Variants in ADAM22 observed in about 807,000 individuals in gnomAD.
ADAM22 encodes ADAM metallopeptidase domain 22, also known as disintegrin and metalloproteinase domain-containing protein 22.
Under a neutral mutation model 144.6 loss-of-function variants are expected in ADAM22, and 65 were observed. That is an observed-to-expected ratio of 0.45 (90% CI 0.37 to 0.55). ADAM22 has a LOEUF of 0.55. Ranked by LOEUF, ADAM22 falls within the 20% of genes least tolerant of loss-of-function variation. ADAM22 has a pLI of 0.00. For missense variants in ADAM22, 974 were observed against 1,184.9 expected (o/e 0.82, Z 2.61); for synonymous variants, 391 against 412.6 (o/e 0.95, Z 0.63).
rs1297095658 is a variant in ADAM22 at position 88,131,705 on chromosome 7, C to G, written c.992+270C>G. The G allele has an allele frequency of 5.0e-5, 22 of 439,842 alleles. No individual in the cohort carries two copies. In the East Asian group the frequency reaches 6.0e-4, roughly 12 times the overall value. 27.2% of individuals were successfully genotyped at this position (439,842 alleles called of 1,614,324 possible). Reference sequence around the variant, plus strand: ...ACTGAGTAAAAATACTGCTAATACTCATATATAGTATTCTTAACTACAGAT... The same window carrying G: ...ACTGAGTAAAAATACTGCTAATACTGATATATAGTATTCTTAACTACAGAT... On this transcript the variant is annotated intron_variant, in intron 11 of 31. Coordinates refer to ENST00000413139, the MANE Select transcript of ADAM22 (RefSeq NM_001324418.2).
At chr7:88,068,007 C>T (rs1811730671) in intron 3 of ADAM22, among the ~76,000 whole-genome samples, 1 of 152,094 alleles carries the variant, frequency 6.6e-6, no homozygotes, top group African/African-American at 2.4e-5. Context: ...GTTTAAACAA[C>T]ATAAACATTT....
At chr7:87,986,101 C>CG (rs1477727723) in intron 3 of ADAM22, among the ~76,000 whole-genome samples, 4 of 152,108 alleles carry the variant, frequency 2.6e-5, no homozygotes, top group African/African-American at 9.7e-5. Context: ...TTGAAATCTA[C>CG]GTTGAACTTT....
At chr7:88,060,842 G>A (rs1011088956) in intron 3 of ADAM22, among the ~76,000 whole-genome samples, 1 of 151,620 alleles carries the variant, frequency 6.6e-6, no homozygotes, top group Non-Finnish European at 1.5e-5. Context: ...AGTGGCTCAT[G>A]CCTGTAATCC....
At chr7:88,176,952 A>T (rs1240905973) in intron 26 of ADAM22, among the ~76,000 whole-genome samples, 3 of 151,926 alleles carry the variant, frequency 2.0e-5, no homozygotes, top group African/African-American at 7.3e-5. Context: ...TATTGTAGAG[A>T]TGGAGTTTTA....
chr7:88,113,703 A>AATAAATCT (rs1554478726), intron 5 of ADAM22, among the ~76,000 whole-genome samples: 1 of 48,106 alleles, frequency 2.1e-5, no homozygotes, highest in African/African-American at 8.0e-5. Flanking sequence ...TAAATAAATA[A>AATAAATCT]ATATATATAT....
Position 88,130,398 on chromosome 7 carries a change from A to G in ADAM22, c.764A>G (p.His255Arg). Reference sequence around the variant, plus strand: ...TTCTTTTGCTTTCAGTTTAAAAAACATCGGCTTTCCGTTGTACATACCAAT... The same window carrying G: ...TTCTTTTGCTTTCAGTTTAAAAAACGTCGGCTTTCCGTTGTACATACCAAT... ...IVNDHLMFKK[H>R]RLSVVHTNTY... Residue 255 changes from histidine to arginine, a missense_variant, in exon 10 of 32, where the codon CAT (histidine) becomes CGT (arginine). By Grantham distance (29) the His-to-Arg change is conservative. Coordinates refer to ENST00000413139, the MANE Select transcript of ADAM22 (RefSeq NM_001324418.2). The G allele has an allele frequency of 1.2e-6, 2 of 1,612,554 alleles. No individual in the cohort carries two copies. Among genetic ancestry groups the G allele is most frequent in the Non-Finnish European group, 1.7e-6 (2 of 1,179,156 alleles).
chr7:87,966,319 C>T (rs1222241348), intron 2 of ADAM22, among the ~76,000 whole-genome samples: 1 of 152,152 alleles, frequency 6.6e-6, no homozygotes, highest in Non-Finnish European at 1.5e-5. Context: ...TACAACTATA[C>T]TATATTGTGT....
chr7:88,085,129 G>A (rs1440247305), intron 4 of ADAM22, among the ~76,000 whole-genome samples: 3 of 152,122 alleles, frequency 2.0e-5, no homozygotes, highest in Admixed American at 2.0e-4. Context: ...CATTTTGGGG[G>A]AACACAATCC....
intron 31 of ADAM22, among the ~76,000 whole-genome samples, chr7:88,194,501 G>A (rs1333064318): frequency 2.0e-5 from 3 of 152,106 alleles, no homozygotes; most frequent in African/African-American, 7.2e-5. Flanking sequence ...GTGGAGAGTG[G>A]AACAAGCAGA....
intron 3 of ADAM22, among the ~76,000 whole-genome samples, chr7:87,998,965 A>C (rs1350208899): frequency 2.0e-5 from 3 of 152,346 alleles, no homozygotes; most frequent in Non-Finnish European, 4.4e-5. Context: ...TGATGTGTGC[A>C]TATCATTACC....
chr7:88,053,668 T>C lies in ADAM22; in HGVS notation c.324-21958T>C, dbSNP rs569365862. ...AGAAAGAAACCAAGTAAAAAAGATATCTTCACTTAGCAAAATATCTTAGAG... is the reference window on the plus strand; with the variant it reads ...AGAAAGAAACCAAGTAAAAAAGATACCTTCACTTAGCAAAATATCTTAGAG... On this transcript the variant is annotated intron_variant, in intron 3 of 31. Coordinates refer to ENST00000413139, the MANE Select transcript of ADAM22 (RefSeq NM_001324418.2). 3.9e-5 allele frequency among the ~76,000 whole-genome samples: 6 copies of C among 151,912 alleles called. No individual in the cohort carries two copies. In the East Asian group the frequency reaches 9.7e-4, roughly 24 times the overall value.
intron 4 of ADAM22, among the ~76,000 whole-genome samples, chr7:88,098,371 G>A (rs1563210449): frequency 6.6e-6 from 1 of 152,036 alleles, no homozygotes; most frequent in African/African-American, 2.4e-5. Flanking sequence ...CCTGGATTGT[G>A]AATAAAAATT....
At chr7:87,997,533 T>C (rs1791521033) in intron 3 of ADAM22, among the ~76,000 whole-genome samples, 1 of 152,232 alleles carries the variant, frequency 6.6e-6, no homozygotes, top group Admixed American at 6.5e-5. Flanking sequence ...CTTCCAAGCC[T>C]TTTTAGGTTG....
chr7:88,147,411 G>A (rs939546703), intron 17 of ADAM22, among the ~76,000 whole-genome samples: 2 of 152,204 alleles, frequency 1.3e-5, no homozygotes, highest in Admixed American at 6.5e-5. Flanking sequence ...TCTATAAAGA[G>A]CCAGATAGTA....
intron 3 of ADAM22, among the ~76,000 whole-genome samples, chr7:88,022,165 G>A (rs1372699891): frequency 1.3e-5 from 2 of 151,854 alleles, no homozygotes; most frequent in Admixed American, 1.3e-4. Flanking sequence ...CAAAGTGCTA[G>A]GATTACAGGC....
rs867207087 is a variant in ADAM22 at position 88,007,666 on chromosome 7, T to C, written c.323+29254T>C. On this transcript the variant is annotated intron_variant, in intron 3 of 31. Transcript: ENST00000413139. Reference sequence around the variant, plus strand: ...AATGGGGAAAGGATTCCCTATTTAATAAATGGTGCTGGGAAAACTGGCTAG... The same window carrying C: ...AATGGGGAAAGGATTCCCTATTTAACAAATGGTGCTGGGAAAACTGGCTAG... Among the ~76,000 whole-genome samples, 304 of 152,286 alleles carry C rather than the reference T, an allele frequency of 2.0e-3. 1 individual carries two copies. Among genetic ancestry groups the C allele is most frequent in the African/African-American group, 7.0e-3 (291 of 41,560 alleles).
At chr7:87,967,051 C>T (rs1331633580) in intron 2 of ADAM22, among the ~76,000 whole-genome samples, 2 of 151,990 alleles carry the variant, frequency 1.3e-5, no homozygotes, top group East Asian at 3.9e-4. Flanking sequence ...GGGCTTTTCC[C>T]TCACTTCACT....
intron 21 of ADAM22, among the ~76,000 whole-genome samples, chr7:88,154,591 T>A (rs979097308): frequency 1.3e-5 from 2 of 152,194 alleles, no homozygotes; most frequent in African/African-American, 4.8e-5. Flanking sequence ...TTATAAGTTG[T>A]TTATGTGTGT....
Position 87,934,523 on chromosome 7 carries a change from T to C in ADAM22, c.58T>C (p.Cys20Arg). Residue 20 changes from cysteine (C) to arginine (R), a missense_variant, in exon 1 of 32, where the codon TGC becomes CGC. By Grantham distance (180) the Cys-to-Arg change is radical. Around this residue, in one of 2 missense-constraint regions of ADAM22, gnomAD observed 240 missense variants for 234.3 expected, o/e 1.02. Transcript: ENST00000413139. The part of the protein sequence containing the change: ...PFLLLCVLGT[C>R]PPARCGQAGD... ...CTTGCTGCTCTGTGTCCTGGGGACC[T>C]GCCCTCCGGCGCGCTGCGGCCAGGC... is the stretch of plus-strand genomic sequence containing the variant. 3 of 1,609,080 alleles carry C rather than the reference T, an allele frequency of 1.9e-6. No individual in the cohort carries two copies. Among genetic ancestry groups the C allele is most frequent in the Non-Finnish European group, 2.5e-6 (3 of 1,179,614 alleles).
Sources: gnomAD v4.1 joint callset for allele counts (sites outside exome capture counted in the v4.1 genomes callset) on GRCh38, gnomAD v4.1.1 for gene constraint, gnomAD v4.1.1 regional missense constraint, MANE v1.5 for transcripts, NCBI Gene and HGNC (gene_info 2026-07-23, HGNC 2026-07-21) for gene names.